Variants in PARVB observed in about 807,000 individuals in gnomAD.
PARVB encodes beta-parvin.
A neutral mutation model predicts 47.0 loss-of-function variants in PARVB; 46 were observed. That is an observed-to-expected ratio of 0.98 (90% CI 0.77 to 1.25). The LOEUF is 1.25. PARVB is among the 50% of genes most tolerant of loss of function. The pLI is 0.00. For missense variants in PARVB, 473 were observed against 471.6 expected, an observed-to-expected ratio of 1.00 and a Z score of -0.03; for synonymous variants, 196 against 196.3, an observed-to-expected ratio of 1.00 and a Z score of 0.01.
chr22:44,023,147 C>CT (rs1357395499), upstream of PARVB, among the ~76,000 whole-genome samples: 2 of 152,220 alleles, frequency 1.3e-5, no homozygotes, highest in Non-Finnish European at 2.9e-5. Flanking sequence ...TGTGCCTTCT[C>CT]TGTCTCCAGC....
intron 1 of PARVB, among the ~76,000 whole-genome samples, chr22:44,091,063 G>A (rs1311979994): frequency 1.3e-5 from 2 of 152,088 alleles, no homozygotes; most frequent in Non-Finnish European, 2.9e-5. Context: ...TGGGGCAGAG[G>A]GAGTCTCAAA....
At chr22:44,043,906 C>G (rs566152222) in intron 1 of PARVB, among the ~76,000 whole-genome samples, 1 of 152,284 alleles carries the variant, frequency 6.6e-6, no homozygotes, top group East Asian at 1.9e-4. Flanking sequence ...TCCTCATCTT[C>G]CTGTTCATTG....
intron 4 of PARVB, among the ~76,000 whole-genome samples, chr22:44,123,646 C>T (rs191284934): frequency 6.6e-6 from 1 of 152,310 alleles, no homozygotes; most frequent in African/African-American, 2.4e-5. Flanking sequence ...AACTCCTGGG[C>T]TCAAGCAATC....
At position 44,147,890 on chromosome 22, in the gene PARVB, C is replaced by T. The variant is rs1307588985; in HGVS notation, c.742C>T (p.His248Tyr). The change falls in exon 9 of 13, where the codon CAC (histidine) becomes TAC (tyrosine). Residue 248 changes from histidine to tyrosine, a missense_variant. Coordinates refer to ENST00000338758, the MANE Select transcript of PARVB (RefSeq NM_013327.5). ...ERDAFDTLFDHAPDKLSVVKK... is the reference protein window; with the variant it reads ...ERDAFDTLFDYAPDKLSVVKK... ...GGATGCCTTCGACACGCTGTTCGACCACGCCCCGGATAAGCTCAGCGTGGT... is the reference window on the plus strand; with the variant it reads ...GGATGCCTTCGACACGCTGTTCGACTACGCCCCGGATAAGCTCAGCGTGGT... 2 of 1,613,968 alleles carry T rather than the reference C, an allele frequency of 1.2e-6. No homozygotes were observed. The highest frequency in any genetic ancestry group is 3.3e-5 in the Admixed American group (2 of 60,002).
chr22:44,000,622 A>C (rs893344834), intron 2 of PARVB, among the ~76,000 whole-genome samples: 1 of 152,242 alleles, frequency 6.6e-6, no homozygotes, highest in East Asian at 1.9e-4. Flanking sequence ...CGATTGACGC[A>C]TATGAAGAAA....
intron 12 of PARVB, among the ~76,000 whole-genome samples, chr22:44,166,733 G>A (rs529329158): frequency 6.6e-6 from 1 of 152,390 alleles, no homozygotes; most frequent in African/African-American, 2.4e-5. Flanking sequence ...GCACTGGGCA[G>A]GGGCCAAGCC....
intron 1 of PARVB, among the ~76,000 whole-genome samples, chr22:44,050,085 A>G (rs962880946): frequency 6.6e-6 from 1 of 152,010 alleles, no homozygotes; most frequent in African/African-American, 2.4e-5. Flanking sequence ...CCTGCCTCAG[A>G]TGAACGGGCC....
intron 12 of PARVB, 86 bp from the exon 13 acceptor site, chr22:44,168,516 C>A: frequency 1.1e-6 from 1 of 870,634 alleles, no homozygotes; most frequent in South Asian, 1.4e-5. Context: ...CAGCTGGTGT[C>A]ATGCTGGAGA....
intron 2 of PARVB, among the ~76,000 whole-genome samples, chr22:44,005,140 C>G (rs962030352): frequency 6.6e-6 from 1 of 152,178 alleles, no homozygotes; most frequent in African/African-American, 2.4e-5. Context: ...CACTCTGTCA[C>G]CCAGGCTGGA....
chr22:44,149,429 CA>C (rs1421324340), intron 9 of PARVB: 1 of 152,240 alleles, frequency 6.6e-6, no homozygotes, highest in African/African-American at 2.4e-5. Flanking sequence ...AGAATGAAGT[CA>C]GGGGCCCCTG....
Position 44,158,084 on chromosome 22 carries a change from G to T in PARVB, c.945+1G>T. On this transcript the variant is annotated splice_donor_variant, in intron 11 of 12. Coordinates refer to ENST00000338758, the MANE Select transcript of PARVB (RefSeq NM_013327.5). LOFTEE classifies it high-confidence loss of function. The stretch of plus-strand genomic sequence containing the variant: ...GACTCCGGAAAGCTTCGATCAGAAG[G>T]TATGTGCATGGTCTCCATCCTTGGT... The T allele has an allele frequency of 6.3e-7, 1 of 1,595,074 alleles. No individual in the cohort carries two copies. Among genetic ancestry groups the T allele is most frequent in the Non-Finnish European group, 8.6e-7 (1 of 1,162,582 alleles).
intron 1 of PARVB, among the ~76,000 whole-genome samples, chr22:44,091,159 C>G (rs2052156999): frequency 6.6e-6 from 1 of 151,832 alleles, no homozygotes; most frequent in Non-Finnish European, 1.5e-5. Context: ...TTTGGAAATT[C>G]AAGGATGAGT....
upstream of PARVB, among the ~76,000 whole-genome samples, chr22:44,023,512 AAAAATAAAATAAAAT>A (rs200193972): frequency 6.9e-6 from 1 of 144,948 alleles, no homozygotes; most frequent in Non-Finnish European, 1.5e-5. Context: ...CTACGTCTAA[AAAAATAAAATAAAAT>A]AAAACAAAAC....
chr22:44,034,847 A>G (rs1444189153), intron 1 of PARVB, among the ~76,000 whole-genome samples: 5 of 150,592 alleles, frequency 3.3e-5, no homozygotes, highest in African/African-American at 1.2e-4. Context: ...AGTAGCTGGG[A>G]TTACAGGCGT....
intron 2 of PARVB, among the ~76,000 whole-genome samples, chr22:44,009,805 A>C (rs1170743458): frequency 6.8e-6 from 1 of 146,954 alleles, no homozygotes; most frequent in African/African-American, 2.6e-5. Flanking sequence ...TGTGCATATG[A>C]ATCTTTTTTT....
intron 12 of PARVB, chr22:44,168,275 T>C (rs1024619652): frequency 7.5e-6 from 2 of 265,144 alleles, no homozygotes; most frequent in Admixed American, 4.9e-5. Context: ...TTGGTCCCGG[T>C]AAGTGTCATT....
chr22:44,131,680 G>A (rs538254022), intron 5 of PARVB, 53 bp downstream of exon 5: 44 of 1,529,762 alleles, frequency 2.9e-5, no homozygotes, highest in African/African-American at 4.2e-5. Context: ...CCGTCCTCTC[G>A]ACATTCGTCA....
At chr22:44,015,592 GC>G (rs1039154533) in intron 2 of PARVB, among the ~76,000 whole-genome samples, 23 of 152,218 alleles carry the variant, frequency 1.5e-4, no homozygotes, top group African/African-American at 5.5e-4. Context: ...GCTGGGGCGG[GC>G]AGATCACCTG....
intron 2 of PARVB, among the ~76,000 whole-genome samples, chr22:44,006,633 A>G (rs775585447): frequency 6.6e-6 from 1 of 152,158 alleles, no homozygotes; most frequent in Non-Finnish European, 1.5e-5. Flanking sequence ...CGGAAAAGAA[A>G]AAAAGAAAAA....
Sources: gnomAD v4.1 joint callset for allele counts (sites outside exome capture counted in the v4.1 genomes callset) on GRCh38, gnomAD v4.1.1 for gene constraint, MANE v1.5 for transcripts, NCBI Gene and HGNC (gene_info 2026-07-23, HGNC 2026-07-21) for gene names.